Variants in ZNF730 observed in about 807,000 individuals in gnomAD.
The protein encoded by ZNF730 is zinc finger protein 730.
A neutral mutation model predicts 12.6 loss-of-function variants in ZNF730; 12 were observed. The ratio of observed to expected loss-of-function variants is 0.95; its 90% CI spans 0.61 to 1.54. The LOEUF (loss-of-function observed/expected upper bound fraction) is 1.54, where lower values mean the gene tolerates loss of function less well. Among genes scored for constraint, ZNF730 ranks in the 40% most tolerant of loss-of-function variants. The probability of loss-of-function intolerance (pLI) is 0.00; values close to 1 mark genes in which losing one functional copy is unlikely to be tolerated. For missense variants in ZNF730, 643 were observed against 583.5 expected (o/e 1.10, Z -1.05); for synonymous variants, 194 against 195.8 (o/e 0.99, Z 0.08).
In ZNF730 at chr19:23,080,357, T is replaced by C. The variant is rs140914811; in HGVS notation, c.-94+4970T>C. On this transcript the variant is annotated intron_variant, in intron 1 of 2. Transcript: ENST00000593635. ...GGATATTTTGAATCCACTGATTTAG[T>C]GTCATGTATATACTCTTATTTTTTT... 5.1e-3 allele frequency among the ~76,000 whole-genome samples: 778 copies of C among 151,972 alleles called. 5 individuals carry two copies. Among genetic ancestry groups the C allele is most frequent in the African/African-American group, 0.018 (747 of 41,414 alleles).
rs145427009 is a variant in ZNF730 at position 23,110,718 on chromosome 19, T to C, written c.-93-23362T>C. Among the ~76,000 whole-genome samples the C allele has an allele frequency of 4.6e-5, 7 of 152,368 alleles. No individual in the cohort carries two copies. In the East Asian group the frequency reaches 1.2e-3, roughly 25 times the overall value. ...ATGAAAGTATGGGTAAAGTCGAGTATAGGTTTCTGATCAGTTTGGGATTAA... is the reference window on the plus strand; with the variant it reads ...ATGAAAGTATGGGTAAAGTCGAGTACAGGTTTCTGATCAGTTTGGGATTAA... On this transcript the variant is annotated intron_variant, in intron 1 of 2. Transcript: ENST00000593635.
chr19:23,146,076 A>T lies in ZNF730; in HGVS notation c.1032A>T (p.Glu344Asp). The T allele has an allele frequency of 3.1e-6, 5 of 1,612,560 alleles. No individual in the cohort carries two copies. The highest frequency in any genetic ancestry group is 4.2e-6 in the Non-Finnish European group (5 of 1,179,584). ...GAGAAAAACCCTACAAATGTGAAGA[A>T]TGTGGCAAAGCTTTTAACCGATCCT... The part of the protein sequence containing the change: ...HNGEKPYKCE[E>D]CGKAFNRSST... The change falls in exon 4 of 4, where the codon GAA becomes GAT. Residue 344 changes from glutamate to aspartate, a missense_variant. Coordinates refer to ENST00000597761, the MANE Select transcript of ZNF730 (RefSeq NM_001277403.2).
chr19:23,085,117 A>G (rs1203969288), intron 1 of ZNF730, among the ~76,000 whole-genome samples: 1 of 152,174 alleles, frequency 6.6e-6, no homozygotes, highest in African/African-American at 2.4e-5. Flanking sequence ...CAACCTCGTC[A>G]GCATCTGTTA....
At chr19:23,075,547 G>A (rs1012916487) in intron 1 of ZNF730, among the ~76,000 whole-genome samples, 1 of 152,142 alleles carries the variant, frequency 6.6e-6, no homozygotes, top group African/African-American at 2.4e-5. Context: ...CTGGGCCCGC[G>A]GCCGGGACCC....
At chr19:23,133,594 G>A (rs1285512931) in intron 1 of ZNF730, among the ~76,000 whole-genome samples, 3 of 152,182 alleles carry the variant, frequency 2.0e-5, no homozygotes, top group Non-Finnish European at 2.9e-5. Flanking sequence ...CGCCTGCCTC[G>A]GCCTCCCAAA....
intron 1 of ZNF730, chr19:23,127,659 C>T: frequency 8.5e-7 from 1 of 1,182,112 alleles, no homozygotes; most frequent in South Asian, 1.2e-5. Flanking sequence ...GTGAATTTTA[C>T]TTTATTCCGC....
Position 23,138,086 on chromosome 19 carries a change from A to T in ZNF730, c.226+2043A>T, listed in dbSNP as rs1292375776. On this transcript the variant is annotated intron_variant, in intron 3 of 3. Transcript: ENST00000597761. ...ATCACGAGGTCAGGAGATCGAGACC[A>T]TCCCGGCTAAAACGGTGAAACCCCG... 3.4e-4 allele frequency among the ~76,000 whole-genome samples: 6 copies of T among 17,818 alleles called. 1 individual carries two copies. The highest frequency in any genetic ancestry group is 6.4e-4 in the African/African-American group (6 of 9,410). 11.7% of individuals were successfully genotyped at this position (17,818 alleles called of 152,430 possible). A position where few individuals can be genotyped will look rare whatever the true frequency, so the allele number is the denominator to read the frequency against.
At chr19:23,129,837 C>CA (rs1238763630) in intron 1 of ZNF730, among the ~76,000 whole-genome samples, 4 of 151,482 alleles carry the variant, frequency 2.6e-5, no homozygotes, top group Non-Finnish European at 4.4e-5. Context: ...ACTAAAAATA[C>CA]AAAAAAATTA....
chr19:23,119,422 G>A (rs1395263466), intron 1 of ZNF730, among the ~76,000 whole-genome samples: 2 of 152,216 alleles, frequency 1.3e-5, no homozygotes. Context: ...TGTGCTGCTG[G>A]ATTTGGTTTG....
At chr19:23,114,103 A>G (rs556460602), upstream of ZNF730, among the ~76,000 whole-genome samples, 79 of 152,268 alleles carry the variant, frequency 5.2e-4, no homozygotes, top group Non-Finnish European at 9.6e-4. Context: ...GCTGTAATCA[A>G]TCTAGCTGTT....
rs992781520 is a variant in ZNF730 at position 23,122,159 on chromosome 19, T to A, written c.3+4983T>A. On this transcript the variant is annotated intron_variant, in intron 1 of 3. Coordinates refer to ENST00000597761, the MANE Select transcript of ZNF730 (RefSeq NM_001277403.2). ...TTTTTTTTTTTTTTTTTTTTTTTTT[T>A]AGACAGAGTTTCACTCTTGTCGCCC... Among the ~76,000 whole-genome samples the A allele has an allele frequency of 1.6e-3, 134 of 86,062 alleles. 1 individual carries two copies. Among genetic ancestry groups the A allele is most frequent in the Non-Finnish European group, 2.9e-3 (122 of 41,496 alleles). The allele number at this position is 86,062 out of a possible 152,430, so 56.5% of individuals were successfully genotyped here.
intron 1 of ZNF730, among the ~76,000 whole-genome samples, chr19:23,077,947 T>C (rs1254349489): frequency 1.3e-5 from 2 of 152,202 alleles, no homozygotes; most frequent in Admixed American, 6.5e-5. Context: ...CAGGATGTGC[T>C]TTGTTAAACA....
intron 1 of ZNF730, among the ~76,000 whole-genome samples, chr19:23,126,135 A>T (rs1208353727): frequency 6.6e-6 from 1 of 152,178 alleles, no homozygotes; most frequent in African/African-American, 2.4e-5. Context: ...TGCTTTTTTA[A>T]AACAAAATTT....
intron 1 of ZNF730, among the ~76,000 whole-genome samples, chr19:23,099,177 C>T (rs926676183): frequency 2.6e-5 from 4 of 152,134 alleles, no homozygotes; most frequent in Non-Finnish European, 4.4e-5. Context: ...GAACATCTGG[C>T]CACAGTTGAG....
upstream of ZNF730, among the ~76,000 whole-genome samples, chr19:23,112,789 T>C (rs1046231416): frequency 2.0e-5 from 3 of 151,618 alleles, no homozygotes; most frequent in Non-Finnish European, 4.4e-5. Flanking sequence ...TAATGGGACA[T>C]TTGTTGTCTC....
At chr19:23,111,989 A>AGAAAGCCTTAAGGTGAG (rs1311285699) in intron 1 of ZNF730, among the ~76,000 whole-genome samples, 2 of 150,160 alleles carry the variant, frequency 1.3e-5, no homozygotes, top group Non-Finnish European at 3.0e-5. Context: ...AAGCATATGA[A>AGAAAGCCTTAAGGTGAG]GAAAGCCTTA....
At chr19:23,130,366 G>A (rs1970731579) in intron 1 of ZNF730, among the ~76,000 whole-genome samples, 1 of 152,170 alleles carries the variant, frequency 6.6e-6, no homozygotes, top group Non-Finnish European at 1.5e-5. Flanking sequence ...ACGTAGAACT[G>A]TAAGTCCATT....
In ZNF730 at chr19:23,134,145, C is replaced by T. The variant is rs11670477; in HGVS notation, c.69C>T (p.Thr23=). 0.038 allele frequency: 60,883 copies of T among 1,612,658 alleles called. 1,316 individuals carry two copies. Among genetic ancestry groups the T allele is most frequent in the East Asian group, 0.082 (3,661 of 44,792 alleles). ...TGGAGGAGTGGCAATGTCTGGACAC[C>T]GAACAACAGAATTTATATAGAAATG... The part of the protein sequence containing the change: ...FSLEEWQCLD[T]EQQNLYRNVM... The change falls in exon 2 of 4, where the codon ACC becomes ACT. Residue 23 remains threonine (T), a synonymous_variant. Transcript: ENST00000597761.
chr19:23,102,256 G>T (rs373981114), intron 1 of ZNF730, among the ~76,000 whole-genome samples: 2 of 152,088 alleles, frequency 1.3e-5, no homozygotes, highest in Non-Finnish European at 2.9e-5. Flanking sequence ...CCCCCATGTG[G>T]TGTGACTGTA....
Sources: allele counts gnomAD v4.1 joint callset (sites outside exome capture counted in the v4.1 genomes callset), GRCh38; gene constraint gnomAD v4.1.1; transcripts MANE v1.5; gene names NCBI Gene and HGNC (gene_info 2026-07-23, HGNC 2026-07-21).